The following CACNB4 variants were observed in gnomAD, a reference collection of about 807,000 sequenced individuals.
CACNB4 encodes the protein calcium voltage-gated channel auxiliary subunit beta 4.
In CACNB4, 32 loss-of-function variants were observed where a neutral mutation model predicts 71.2. The observed-to-expected ratio is 0.45, with a 90% CI of 0.34 to 0.60. The LOEUF is 0.60. CACNB4 is among the 20% of genes least tolerant of loss of function. CACNB4 has a pLI of 0.01. For synonymous variants in CACNB4, 231 were observed against 236.9 expected (o/e 0.97, Z 0.23); for missense variants, 464 against 647.9 (o/e 0.72, Z 3.08).
At chr2:151,880,768 A>T (rs1559923176) in intron 4 of CACNB4, 32 bp downstream of exon 4, 1 of 1,597,460 alleles carries the variant, frequency 6.3e-7, no homozygotes, top group Non-Finnish European at 8.5e-7. Context: ...GCTTTTTGGC[A>T]GGTGAAGGGA....
chr2:152,023,266 C>G (rs1485868078), intron 2 of CACNB4, among the ~76,000 whole-genome samples: 3 of 152,066 alleles, frequency 2.0e-5, no homozygotes, highest in African/African-American at 7.2e-5. Flanking sequence ...TCACCTCCCA[C>G]CAGGCCCTGC....
At chr2:152,054,291 G>A (rs903765053) in intron 2 of CACNB4, among the ~76,000 whole-genome samples, 8 of 148,540 alleles carry the variant, frequency 5.4e-5, no homozygotes, top group African/African-American at 1.7e-4. Flanking sequence ...GCGTGAACCC[G>A]GGAGGCGGAG....
intron 2 of CACNB4, among the ~76,000 whole-genome samples, chr2:151,932,440 A>G (rs1253210173): frequency 6.6e-6 from 1 of 152,174 alleles, no homozygotes; most frequent in Non-Finnish European, 1.5e-5. Context: ...GCTCGAGGTT[A>G]TAGACAATGC....
At chr2:151,983,359 G>A (rs1384591310) in intron 2 of CACNB4, among the ~76,000 whole-genome samples, 1 of 152,046 alleles carries the variant, frequency 6.6e-6, no homozygotes, top group Non-Finnish European at 1.5e-5. Flanking sequence ...AGTCTGATTG[G>A]TCATTTCCTT....
chr2:152,081,749 A>C (rs1687368769), intron 2 of CACNB4, among the ~76,000 whole-genome samples: 1 of 152,312 alleles, frequency 6.6e-6, no homozygotes, highest in Non-Finnish European at 1.5e-5. Flanking sequence ...ATATGATTTA[A>C]AAAAATATAT....
intron 2 of CACNB4, among the ~76,000 whole-genome samples, chr2:151,948,825 G>A (rs912108210): frequency 6.6e-6 from 1 of 152,120 alleles, no homozygotes; most frequent in Non-Finnish European, 1.5e-5. Context: ...TCATTCCTGG[G>A]ATTTAAGCCC....
intron 2 of CACNB4, chr2:151,971,591 C>T (rs1255363058): frequency 1.4e-6 from 1 of 702,928 alleles, no homozygotes; most frequent in Non-Finnish European, 2.6e-6. Flanking sequence ...GGAGGTGGCA[C>T]TCCAGGTGTG....
intron 2 of CACNB4, among the ~76,000 whole-genome samples, chr2:151,935,175 T>C (rs1343962822): frequency 6.6e-6 from 1 of 152,240 alleles, no homozygotes; most frequent in Non-Finnish European, 1.5e-5. Flanking sequence ...CATAGTATTA[T>C]ACAGCTTCAA....
At chr2:151,998,658 C>A (rs1487833510) in intron 2 of CACNB4, among the ~76,000 whole-genome samples, 1 of 152,196 alleles carries the variant, frequency 6.6e-6, no homozygotes, top group Admixed American at 6.5e-5. Flanking sequence ...TCCACGGGGG[C>A]ACTAAGTCCA....
intron 4 of CACNB4, among the ~76,000 whole-genome samples, chr2:151,878,213 T>C (rs2099846950): frequency 6.6e-6 from 1 of 152,100 alleles, no homozygotes; most frequent in African/African-American, 2.4e-5. Flanking sequence ...TGTATATATA[T>C]ATATATGATT....
In CACNB4 at chr2:151,836,832, G is replaced by T. The variant is rs2099834996; in HGVS notation, c.*2287C>A. 1 of 151,992 alleles carries T rather than the reference G, an allele frequency of 6.6e-6. No homozygotes were observed. The highest frequency in any genetic ancestry group is 6.6e-5 in the Admixed American group (1 of 15,266). The allele number at this position is 151,992 out of a possible 1,614,324, so 9.4% of individuals were successfully genotyped here. On this transcript the variant is annotated 3_prime_UTR_variant, in exon 14 of 14. Transcript: ENST00000539935. ...TACAGCTACCTGCCATAAAATGTAA[G>T]TATCTTAAAGTAGTTAAATGACCAA... is the stretch of plus-strand genomic sequence containing the variant.
chr2:152,076,653 G>A (rs1687046595), intron 2 of CACNB4, among the ~76,000 whole-genome samples: 1 of 152,074 alleles, frequency 6.6e-6, no homozygotes, highest in Non-Finnish European at 1.5e-5. Context: ...ATTCTTAAAG[G>A]AAGACATCCT....
intron 13 of CACNB4, among the ~76,000 whole-genome samples, chr2:151,840,587 T>C (rs1361952104): frequency 2.0e-5 from 3 of 152,218 alleles, no homozygotes; most frequent in Admixed American, 2.0e-4. Context: ...AGGCATGAAA[T>C]AGTCCTAATG....
At chr2:151,988,016 C>T (rs990706548) in intron 2 of CACNB4, among the ~76,000 whole-genome samples, 1 of 152,140 alleles carries the variant, frequency 6.6e-6, no homozygotes, top group Non-Finnish European at 1.5e-5. Flanking sequence ...CATTTTCTTA[C>T]CAAGTAATTT....
At chr2:151,961,982 A>T (rs370711059) in intron 2 of CACNB4, among the ~76,000 whole-genome samples, 1 of 152,214 alleles carries the variant, frequency 6.6e-6, no homozygotes, top group Non-Finnish European at 1.5e-5. Context: ...TACAGATGGA[A>T]CCAAATCACC....
At chr2:151,941,182 G>A (rs756950143) in intron 2 of CACNB4, among the ~76,000 whole-genome samples, 1 of 151,668 alleles carries the variant, frequency 6.6e-6, no homozygotes, top group Non-Finnish European at 1.5e-5. Context: ...GTAATTGTTA[G>A]CAAATGCCTA....
intron 2 of CACNB4, among the ~76,000 whole-genome samples, chr2:152,065,356 C>T (rs1157328605): frequency 3.3e-5 from 5 of 150,864 alleles, no homozygotes; most frequent in African/African-American, 1.2e-4. Flanking sequence ...GCACTCCAAC[C>T]TGGGTGGCAG....
intron 3 of CACNB4, among the ~76,000 whole-genome samples, chr2:151,881,361 T>C (rs995212792): frequency 1.3e-5 from 2 of 152,038 alleles, no homozygotes; most frequent in Non-Finnish European, 2.9e-5. Flanking sequence ...AGTCCAGATC[T>C]GAAAACGTGT....
intron 2 of CACNB4, among the ~76,000 whole-genome samples, chr2:151,988,463 C>A (rs975255627): frequency 6.6e-6 from 1 of 152,144 alleles, no homozygotes; most frequent in Admixed American, 6.5e-5. Context: ...ATAATAAAAT[C>A]ATGCAGTGCA....
Sources: allele counts gnomAD v4.1 joint callset (sites outside exome capture counted in the v4.1 genomes callset), GRCh38; gene constraint gnomAD v4.1.1; transcripts MANE v1.5; gene names NCBI Gene and HGNC (gene_info 2026-07-23, HGNC 2026-07-21).